VAT1L: variants seen among roughly 807,000 people sequenced by gnomAD.
The protein encoded by VAT1L is putative NADPH-dependent quinone oxidoreductase VAT1L.
Under a neutral mutation model 44.1 loss-of-function variants are expected in VAT1L, and 34 were observed. That is an observed-to-expected ratio of 0.77 (90% CI 0.59 to 1.03). The LOEUF (loss-of-function observed/expected upper bound fraction) is 1.03. VAT1L is among the 50% of genes least tolerant of loss of function. The pLI is 0.00. For missense variants in VAT1L, 615 were observed against 538.8 expected, an observed-to-expected ratio of 1.14 and a Z score of -1.40; for synonymous variants, 253 against 202.2, an observed-to-expected ratio of 1.25 and a Z score of -2.13.
intron 7 of VAT1L, among the ~76,000 whole-genome samples, chr16:77,966,550 A>G (rs149208715): frequency 1.1e-3 from 172 of 152,354 alleles, no homozygotes; most frequent in South Asian, 8.3e-4. Flanking sequence ...CAATAAAGCC[A>G]GAAAAGGCAA....
At chr16:77,956,204 T>C (rs988543320) in intron 7 of VAT1L, among the ~76,000 whole-genome samples, 4 of 152,114 alleles carry the variant, frequency 2.6e-5, no homozygotes, top group African/African-American at 9.7e-5. Flanking sequence ...ATATACATAC[T>C]TACCATGTAC....
chr16:77,915,882 C>A (rs761235380), intron 7 of VAT1L, among the ~76,000 whole-genome samples: 15 of 152,186 alleles, frequency 9.9e-5, no homozygotes, highest in Non-Finnish European at 2.2e-4. Flanking sequence ...GGGAAGACAA[C>A]TCCTGCGAAG....
rs10566511 is a variant in VAT1L, at chr16:77,964,779, C to CTTTTTTTTTTT, written c.1078-7049_1078-7039dup. ...AACACTGCTCACGCCCTTTGTAGCACTTTTTTTTTTTTTTTTTTTTTTTTT... is the reference window on the plus strand; with the variant it reads ...AACACTGCTCACGCCCTTTGTAGCACTTTTTTTTTTTTTTTTTTTTTTTTTTTTTTTTTTTT... On this transcript the variant is annotated intron_variant, in intron 7 of 8. Coordinates refer to ENST00000302536, the MANE Select transcript of VAT1L (RefSeq NM_020927.3). Among the ~76,000 whole-genome samples the CTTTTTTTTTTT allele has an allele frequency of 8.2e-4, 75 of 91,884 alleles. 1 individual carries two copies. Among genetic ancestry groups the CTTTTTTTTTTT allele is most frequent in the African/African-American group, 1.1e-3 (18 of 16,256 alleles). 60.3% of individuals were successfully genotyped at this position (91,884 alleles called of 152,430 possible). A position where few individuals can be genotyped will look rare whatever the true frequency, so the allele number is the denominator to read the frequency against.
chr16:77,958,390 G>A (rs903143171), intron 7 of VAT1L, among the ~76,000 whole-genome samples: 2 of 152,104 alleles, frequency 1.3e-5, no homozygotes, highest in Admixed American at 6.5e-5. Context: ...TTTTCCCGCA[G>A]GTCTTTCCAA....
At chr16:77,962,764 G>GAAGGAA in intron 7 of VAT1L, among the ~76,000 whole-genome samples, 1 of 151,350 alleles carries the variant, frequency 6.6e-6, no homozygotes, top group East Asian at 1.9e-4. Context: ...AGGAAGGAAG[G>GAAGGAA]AAGGAAGGAA....
chr16:77,861,425 C>G (rs975832503), intron 3 of VAT1L, among the ~76,000 whole-genome samples: 13 of 152,208 alleles, frequency 8.5e-5, no homozygotes, highest in African/African-American at 3.1e-4. Context: ...AAACCTGCTC[C>G]TAACTGCATT....
At chr16:77,961,402 C>A (rs975138125) in intron 7 of VAT1L, among the ~76,000 whole-genome samples, 1 of 152,142 alleles carries the variant, frequency 6.6e-6, no homozygotes, top group African/African-American at 2.4e-5. Flanking sequence ...TTCTTGTTCC[C>A]TTACCTTGCC....
intron 3 of VAT1L, among the ~76,000 whole-genome samples, chr16:77,855,993 C>A (rs2016854569): frequency 6.6e-6 from 1 of 152,016 alleles, no homozygotes. Flanking sequence ...TCCAGCCTGG[C>A]AACAGAGGAA....
chr16:77,919,941 G>C (rs965220223), intron 7 of VAT1L, among the ~76,000 whole-genome samples: 1 of 152,030 alleles, frequency 6.6e-6, no homozygotes, highest in African/African-American at 2.4e-5. Context: ...ATAAATAGCC[G>C]AGTATGGTGG....
Position 77,884,605 on chromosome 16 carries a change from C to T in VAT1L, c.883-3C>T. Reference sequence around the variant, plus strand: ...TATAACCCAATACCACCTCTCTTTGCAGTGGTGGCAGGTGGAGAAGGTGAA... The same window carrying T: ...TATAACCCAATACCACCTCTCTTTGTAGTGGTGGCAGGTGGAGAAGGTGAA... On this transcript the variant is annotated splice_region_variant and splice_polypyrimidine_tract_variant and intron_variant, in intron 6 of 8. Coordinates refer to ENST00000302536, the MANE Select transcript of VAT1L (RefSeq NM_020927.3). The surrounding 1 kb of genome is among the most constrained non-coding windows in gnomAD (Gnocchi z 4.5). The T allele has an allele frequency of 6.2e-7, 1 of 1,612,348 alleles. No homozygotes were observed. The highest frequency in any genetic ancestry group is 1.1e-5 in the South Asian group (1 of 90,600).
intron 3 of VAT1L, among the ~76,000 whole-genome samples, chr16:77,852,810 G>C (rs373311583): frequency 7.6e-4 from 116 of 152,254 alleles, no homozygotes; most frequent in African/African-American, 2.5e-3. Flanking sequence ...ATACTACTTG[G>C]ATTCAGATCT....
At chr16:77,965,365 T>A (rs2018212068) in intron 7 of VAT1L, among the ~76,000 whole-genome samples, 1 of 152,192 alleles carries the variant, frequency 6.6e-6, no homozygotes, top group Admixed American at 6.5e-5. Flanking sequence ...AGCCCTGGAA[T>A]GTTCCCACTG....
At chr16:77,934,949 C>T (rs2017775518) in intron 7 of VAT1L, among the ~76,000 whole-genome samples, 1 of 152,056 alleles carries the variant, frequency 6.6e-6, no homozygotes, top group African/African-American at 2.4e-5. Context: ...ACCTGCCTGT[C>T]ATTTTACCTT....
chr16:77,922,551 G>C (rs549101388), intron 7 of VAT1L, among the ~76,000 whole-genome samples: 55 of 152,196 alleles, frequency 3.6e-4, no homozygotes, highest in Non-Finnish European at 7.3e-4. Context: ...CTGGGCATGT[G>C]ATGAAGAGAG....
intron 7 of VAT1L, among the ~76,000 whole-genome samples, chr16:77,960,597 T>C (rs2018150591): frequency 1.3e-5 from 2 of 152,114 alleles, no homozygotes. Flanking sequence ...TTCTCCTTTC[T>C]CCTGTTTTCT....
At chr16:77,794,134 GAGAC>G (rs1218786085) in intron 1 of VAT1L, among the ~76,000 whole-genome samples, 1 of 152,106 alleles carries the variant, frequency 6.6e-6, no homozygotes, top group Non-Finnish European at 1.5e-5. Context: ...AAAAGAGAAA[GAGAC>G]AGAGAGACAC....
intron 3 of VAT1L, among the ~76,000 whole-genome samples, chr16:77,849,302 T>C (rs964827131): frequency 1.3e-5 from 2 of 152,160 alleles, no homozygotes; most frequent in African/African-American, 4.8e-5. Context: ...GAGCATACCA[T>C]GAAAGGAACA....
intron 7 of VAT1L, among the ~76,000 whole-genome samples, chr16:77,905,045 G>T (rs2017424534): frequency 6.6e-6 from 1 of 152,160 alleles, no homozygotes; most frequent in Admixed American, 6.5e-5. Context: ...AAGGAGAGAG[G>T]TTCCTAGGAA....
chr16:77,812,218 G>A (rs1032064804), intron 1 of VAT1L, among the ~76,000 whole-genome samples: 23 of 151,748 alleles, frequency 1.5e-4, no homozygotes, highest in Non-Finnish European at 5.9e-5. Flanking sequence ...GACTATAGGC[G>A]TGCGCTATCA....
Sources: allele counts gnomAD v4.1 joint callset (sites outside exome capture counted in the v4.1 genomes callset), GRCh38; gene constraint gnomAD v4.1.1; non-coding constraint Gnocchi (gnomAD v3.1); transcripts MANE v1.5; gene names NCBI Gene and HGNC (gene_info 2026-07-23, HGNC 2026-07-21).